RP1: variants seen among roughly 807,000 people sequenced by gnomAD.
RP1 encodes the protein oxygen-regulated protein 1.
RP1 carries 16 observed loss-of-function variants against 14.8 expected under a neutral mutation model. That is an observed-to-expected ratio of 1.08 (90% CI 0.73 to 1.65). The LOEUF (loss-of-function observed/expected upper bound fraction) is 1.65, where lower values mean the gene tolerates loss of function less well. Among genes scored for constraint, RP1 ranks in the 40% most tolerant of loss-of-function variants. The pLI is 0.00. For missense variants in RP1, 2,631 were observed against 2,535.0 expected, an observed-to-expected ratio of 1.04 and a Z score of -0.81; for synonymous variants, 876 against 883.6, an observed-to-expected ratio of 0.99 and a Z score of 0.15.
intron 25 of RP1, among the ~76,000 whole-genome samples, chr8:54,844,687 A>G (rs1004395750): frequency 6.6e-6 from 1 of 152,244 alleles, no homozygotes; most frequent in African/African-American, 2.4e-5. Flanking sequence ...TCGTTTCCCA[A>G]TAAAATATGA....
chr8:54,699,452 A>G, intron 12 of RP1: 1 of 1,296,800 alleles, frequency 7.7e-7, no homozygotes, highest in East Asian at 2.8e-5. Flanking sequence ...CTAATACTTT[A>G]AAAATGTTTT....
upstream of RP1, among the ~76,000 whole-genome samples, chr8:54,613,799 A>G (rs369911123): frequency 1.3e-5 from 2 of 152,230 alleles, no homozygotes; most frequent in African/African-American, 4.8e-5. Flanking sequence ...ATCTAGAGCC[A>G]CATTTAAAAA....
Position 54,744,375 on chromosome 8 carries a change from G to A in RP1, c.2808+5346G>A, listed in dbSNP as rs1473967584. Reference sequence around the variant, plus strand: ...GTGATGCCTCTGAGTGCACAGTGGGGACATGAGTCAGAGAGCCCCGAAGGG... The same window carrying A: ...GTGATGCCTCTGAGTGCACAGTGGGAACATGAGTCAGAGAGCCCCGAAGGG... On this transcript the variant is annotated intron_variant, in intron 19 of 22. Transcript: ENST00000636932. Among the ~76,000 whole-genome samples, 3 of 152,154 alleles carry A rather than the reference G, an allele frequency of 2.0e-5. No individual in the cohort carries two copies. The South Asian group carries it at 6.2e-4, about 32-fold the overall frequency.
intron 1 of RP1, among the ~76,000 whole-genome samples, chr8:54,593,642 G>A (rs1057440874): frequency 1.3e-5 from 2 of 152,190 alleles, no homozygotes; most frequent in African/African-American, 2.4e-5. Flanking sequence ...AAGGGAACAG[G>A]AAAGACCAGG....
At chr8:54,745,843 A>G (rs757580776) in intron 19 of RP1, among the ~76,000 whole-genome samples, 2 of 152,136 alleles carry the variant, frequency 1.3e-5, no homozygotes, top group African/African-American at 4.8e-5. Context: ...TCTCATCCAT[A>G]TCGACTCTTT....
chr8:54,625,597 A>G lies in RP1; in HGVS notation c.1715A>G (p.Asn572Ser), dbSNP rs1331327654. The G allele has an allele frequency of 1.2e-6, 2 of 1,614,164 alleles. No homozygotes were observed. Among genetic ancestry groups the G allele is most frequent in the Admixed American group, 1.7e-5 (1 of 60,030 alleles). ...HNNGLPSTIS[N>S]NSIVEEDVVD... is the part of the protein sequence containing the mutation. The stretch of plus-strand genomic sequence containing the variant: ...AATGGTTTGCCATCAACTATATCAA[A>G]TAACTCAATTGTGGAGGAAGATGTA... Residue 572 changes from asparagine to serine, a missense_variant, in exon 4 of 4, where the codon AAT becomes AGT. Physicochemically the swap from Asn to Ser is conservative, Grantham distance 46. Transcript: ENST00000220676.
At chr8:54,775,589 T>C (rs1585681503) in intron 23 of RP1, among the ~76,000 whole-genome samples, 1 of 152,128 alleles carries the variant, frequency 6.6e-6, no homozygotes, top group Admixed American at 6.6e-5. Context: ...AAGCAAATCC[T>C]CCCAGCCACA....
At chr8:54,691,475 G>C (rs2129339472) in intron 12 of RP1, among the ~76,000 whole-genome samples, 1 of 152,184 alleles carries the variant, frequency 6.6e-6, no homozygotes, top group African/African-American at 2.4e-5. Flanking sequence ...TGCATTCTAA[G>C]TTTGAAGTGC....
chr8:54,587,137 C>T (rs1050250123), intron 1 of RP1, among the ~76,000 whole-genome samples: 6 of 152,220 alleles, frequency 3.9e-5, no homozygotes, highest in Non-Finnish European at 8.8e-5. Context: ...ATCTTGTCTC[C>T]ACCCCTCAGG....
intron 1 of RP1, among the ~76,000 whole-genome samples, chr8:54,597,525 C>G (rs979396543): frequency 6.6e-6 from 1 of 152,156 alleles, no homozygotes; most frequent in Non-Finnish European, 1.5e-5. Context: ...CCTCACCATT[C>G]AGTTCCCATG....
At chr8:54,654,304 A>T (rs141152549) in intron 5 of RP1, among the ~76,000 whole-genome samples, 2 of 152,336 alleles carry the variant, frequency 1.3e-5, no homozygotes, top group East Asian at 3.9e-4. Flanking sequence ...ATTCCATGAT[A>T]GCAACAATAA....
In RP1 at chr8:54,817,896, T is replaced by A. The variant is rs578055234; in HGVS notation, c.3616-19554T>A. ...TTCCACTAGCAGAGAAAGTCATAAT[T>A]AATATGCAGCCTATTTCATTTTATT... On this transcript the variant is annotated intron_variant, in intron 24 of 28. Coordinates refer to the RP1 transcript ENST00000637698. 1.8e-4 allele frequency among the ~76,000 whole-genome samples: 28 copies of A among 152,338 alleles called. No homozygotes were observed. The South Asian group carries it at 3.9e-3, about 21-fold the overall frequency.
At chr8:54,662,253 T>C (rs1436570973) in intron 6 of RP1, among the ~76,000 whole-genome samples, 2 of 152,214 alleles carry the variant, frequency 1.3e-5, no homozygotes, top group Non-Finnish European at 2.9e-5. Flanking sequence ...ATTTTTGTTT[T>C]AGTATATAGT....
intron 24 of RP1, among the ~76,000 whole-genome samples, chr8:54,794,061 T>A (rs1810527359): frequency 6.6e-6 from 1 of 151,894 alleles, no homozygotes; most frequent in Admixed American, 6.6e-5. Context: ...GAAATTAAAG[T>A]ATGTACAATT....
intron 27 of RP1, among the ~76,000 whole-genome samples, chr8:54,859,814 C>T (rs916971058): frequency 2.6e-5 from 4 of 152,148 alleles, no homozygotes; most frequent in African/African-American, 9.7e-5. Context: ...CCTCCCTTGC[C>T]AGCAGCACAT....
downstream of RP1, among the ~76,000 whole-genome samples, chr8:54,634,785 A>T (rs1806315654): frequency 6.6e-6 from 1 of 152,188 alleles, no homozygotes; most frequent in East Asian, 1.9e-4. Flanking sequence ...TGGACTTTAG[A>T]TGTAATATAC....
chr8:54,823,168 C>T (rs2129397497), intron 24 of RP1, among the ~76,000 whole-genome samples: 1 of 152,252 alleles, frequency 6.6e-6, no homozygotes. Context: ...GAAAGCCCTC[C>T]CCGGTGGGTG....
chr8:54,684,283 G>T (rs1807504175), intron 12 of RP1, among the ~76,000 whole-genome samples: 1 of 151,908 alleles, frequency 6.6e-6, no homozygotes, highest in Non-Finnish European at 1.5e-5. Context: ...TTTTTTTGTT[G>T]TATCTCTGCC....
intron 12 of RP1, among the ~76,000 whole-genome samples, chr8:54,694,547 G>A (rs1182450005): frequency 1.3e-5 from 2 of 152,118 alleles, no homozygotes; most frequent in African/African-American, 4.8e-5. Flanking sequence ...TTTAGTCTTG[G>A]GAGGGTATAT....
Sources: gnomAD v4.1 joint callset for allele counts (sites outside exome capture counted in the v4.1 genomes callset) on GRCh38, gnomAD v4.1.1 for gene constraint, MANE v1.5 for transcripts, NCBI Gene and HGNC (gene_info 2026-07-23, HGNC 2026-07-21) for gene names.